CACNA2D3: variants seen among roughly 807,000 people sequenced by gnomAD.
The protein encoded by CACNA2D3 is voltage-dependent calcium channel subunit alpha-2/delta-3.
A neutral mutation model predicts 160.6 loss-of-function variants in CACNA2D3; 60 were observed. The observed-to-expected ratio is 0.37, with a 90% CI of 0.30 to 0.46. CACNA2D3 has a LOEUF of 0.46. CACNA2D3 is among the 20% of genes least tolerant of loss of function. CACNA2D3 has a pLI of 1.00. For synonymous variants in CACNA2D3, 558 were observed against 492.9 expected (o/e 1.13, Z -1.75); for missense variants, 1,205 against 1,365.0 (o/e 0.88, Z 1.85).
chr3:54,522,929 TTTATTTACTTACTTAC>T (rs1415829422), intron 5 of CACNA2D3, among the ~76,000 whole-genome samples: 14 of 104,904 alleles, frequency 1.3e-4, no homozygotes, highest in African/African-American at 4.0e-4. Context: ...TATTTATTTA[TTTATTTACTTACTTAC>T]TTACTTACTT....
chr3:54,729,998 CAAAAAAAAA>C (rs56364535), intron 11 of CACNA2D3, among the ~76,000 whole-genome samples: 2 of 109,510 alleles, frequency 1.8e-5, no homozygotes, highest in East Asian at 2.8e-4. Flanking sequence ...GACTCCATCT[CAAAAAAAAA>C]AAAAAAAAAA....
At chr3:54,270,415 G>A (rs1042040908) in intron 2 of CACNA2D3, among the ~76,000 whole-genome samples, 4 of 152,152 alleles carry the variant, frequency 2.6e-5, no homozygotes, top group African/African-American at 9.7e-5. Flanking sequence ...TATACCCCAC[G>A]AGTTGGCTTC....
chr3:54,251,493 A>T (rs887866263), intron 2 of CACNA2D3, among the ~76,000 whole-genome samples: 1 of 152,190 alleles, frequency 6.6e-6, no homozygotes, highest in African/African-American at 2.4e-5. Flanking sequence ...TGGAAACATT[A>T]TTACTCTCAT....
At chr3:54,460,145 G>A (rs1575467270) in intron 4 of CACNA2D3, among the ~76,000 whole-genome samples, 1 of 151,316 alleles carries the variant, frequency 6.6e-6, no homozygotes, top group Non-Finnish European at 1.5e-5. Flanking sequence ...CTCTGTTTTG[G>A]TACCAGTACC....
chr3:54,574,978 T>C (rs1250285834), intron 8 of CACNA2D3, among the ~76,000 whole-genome samples: 1 of 152,274 alleles, frequency 6.6e-6, no homozygotes, highest in East Asian at 1.9e-4. Flanking sequence ...GATTTGCTTT[T>C]TAAAGTAATC....
intron 5 of CACNA2D3, among the ~76,000 whole-genome samples, chr3:54,537,675 A>G (rs1701910249): frequency 6.6e-6 from 1 of 152,088 alleles, no homozygotes; most frequent in Non-Finnish European, 1.5e-5. Context: ...GAGGGTTCCT[A>G]CCTGTTCATG....
chr3:54,439,827 C>T (rs902162914), intron 4 of CACNA2D3, among the ~76,000 whole-genome samples: 2 of 152,162 alleles, frequency 1.3e-5, no homozygotes, highest in African/African-American at 4.8e-5. Flanking sequence ...CACTGTTTTC[C>T]TTCCATCCCG....
chr3:54,187,639 A>G (rs368652796), intron 2 of CACNA2D3, among the ~76,000 whole-genome samples: 1 of 152,194 alleles, frequency 6.6e-6, no homozygotes. Context: ...TTATGGCACC[A>G]GGGACCAGTG....
chr3:54,771,117 G>T (rs1702313051), intron 13 of CACNA2D3, among the ~76,000 whole-genome samples: 1 of 152,020 alleles, frequency 6.6e-6, no homozygotes, highest in Admixed American at 6.6e-5. Flanking sequence ...TTGTCTCTTA[G>T]TGGCCTCGGG....
chr3:54,552,782 A>T (rs1450695673), intron 5 of CACNA2D3, among the ~76,000 whole-genome samples: 1 of 152,226 alleles, frequency 6.6e-6, no homozygotes, highest in Non-Finnish European at 1.5e-5. Flanking sequence ...TTATTCCAGG[A>T]GAATGAGGAA....
chr3:54,207,523 A>T (rs1421681729), intron 2 of CACNA2D3, among the ~76,000 whole-genome samples: 1 of 151,892 alleles, frequency 6.6e-6, no homozygotes, highest in Non-Finnish European at 1.5e-5. Context: ...TGAGGCTTGG[A>T]GGGATACATT....
chr3:54,370,601 C>T (rs942052041), intron 3 of CACNA2D3, among the ~76,000 whole-genome samples: 2 of 152,058 alleles, frequency 1.3e-5, no homozygotes, highest in East Asian at 3.9e-4. Context: ...TGGATTGTAC[C>T]CACTAAGTTA....
intron 4 of CACNA2D3, among the ~76,000 whole-genome samples, chr3:54,387,422 C>T (rs1397368363): frequency 6.6e-6 from 1 of 152,168 alleles, no homozygotes; most frequent in Non-Finnish European, 1.5e-5. Flanking sequence ...GAGACTGAGG[C>T]AGGTGCATCG....
intron 27 of CACNA2D3, among the ~76,000 whole-genome samples, chr3:54,916,569 G>A (rs552888939): frequency 6.6e-6 from 1 of 152,274 alleles, no homozygotes; most frequent in Admixed American, 6.5e-5. Flanking sequence ...TAGCAAAATT[G>A]CTGCTCCAGA....
chr3:54,453,653 T>C (rs1370566446), intron 4 of CACNA2D3, among the ~76,000 whole-genome samples: 1 of 152,206 alleles, frequency 6.6e-6, no homozygotes, highest in Non-Finnish European at 1.5e-5. Context: ...AAACAATGTC[T>C]TGCTCTTGCT....
At chr3:54,972,659 C>T (rs1302744176) in intron 29 of CACNA2D3, among the ~76,000 whole-genome samples, 2 of 152,170 alleles carry the variant, frequency 1.3e-5, no homozygotes, top group East Asian at 1.9e-4. Context: ...CCAGTCAATG[C>T]ACTCTCTGGG....
chr3:54,650,438 A>G (rs1699740973), intron 11 of CACNA2D3, among the ~76,000 whole-genome samples: 1 of 152,036 alleles, frequency 6.6e-6, no homozygotes, highest in African/African-American at 2.4e-5. Flanking sequence ...TTCTTGACTC[A>G]CTGCAACCTC....
chr3:54,291,917 A>G (rs1188714308), intron 2 of CACNA2D3, among the ~76,000 whole-genome samples: 1 of 152,254 alleles, frequency 6.6e-6, no homozygotes, highest in Non-Finnish European at 1.5e-5. Flanking sequence ...CCAGTAAGGG[A>G]GATAGCATGC....
chr3:54,426,780 G>A (rs1286081699), intron 4 of CACNA2D3, among the ~76,000 whole-genome samples: 1 of 151,962 alleles, frequency 6.6e-6, no homozygotes, highest in Non-Finnish European at 1.5e-5. Flanking sequence ...TGCATTCTTT[G>A]ATTTTTTTTT....
Sources: gnomAD v4.1 joint callset for allele counts (sites outside exome capture counted in the v4.1 genomes callset) on GRCh38, gnomAD v4.1.1 for gene constraint, MANE v1.5 for transcripts, NCBI Gene and HGNC (gene_info 2026-07-23, HGNC 2026-07-21) for gene names.